Variants in H3C4 observed in about 807,000 individuals in gnomAD.
H3C4 encodes the protein H3 clustered histone 4.
A neutral mutation model predicts 8.7 loss-of-function variants in H3C4; 10 were observed. The observed-to-expected ratio is 1.15, with a 90% CI of 0.71 to 1.96. The LOEUF is 1.96. H3C4 is among the 30% of genes most tolerant of loss of function. The probability of loss-of-function intolerance (pLI) is 0.00; values close to 1 mark genes in which losing one functional copy is unlikely to be tolerated. For missense variants in H3C4, 216 were observed against 192.9 expected, an observed-to-expected ratio of 1.12 and a Z score of -0.71; for synonymous variants, 141 against 80.1, an observed-to-expected ratio of 1.76 and a Z score of -4.06.
At chr6:26,197,312 T>G, upstream of H3C4, 1 of 1,556,416 alleles carries the variant, frequency 6.4e-7, no homozygotes, top group Non-Finnish European at 8.7e-7. Flanking sequence ...CGTACCCGTA[T>G]ATATAAAGAC....
At chr6:26,198,298 A>G (rs1332114707), upstream of H3C4, among the ~76,000 whole-genome samples, 1 of 152,104 alleles carries the variant, frequency 6.6e-6, no homozygotes, top group Non-Finnish European at 1.5e-5. Flanking sequence ...TACATGTGAC[A>G]TAAAGTCTCT....
chr6:26,197,291 G>A (rs771273103), upstream of H3C4: 81 of 1,586,116 alleles, frequency 5.1e-5, no homozygotes, highest in East Asian at 8.9e-5. Context: ...AAAAACGAAA[G>A]TCTAGCCTTT....
In H3C4 at chr6:26,196,836, C is replaced by A; in HGVS notation, c.*4G>T. The A allele has an allele frequency of 6.2e-7, 1 of 1,614,180 alleles. No homozygotes were observed. The highest frequency in any genetic ancestry group is 1.1e-5 in the South Asian group (1 of 91,086). On this transcript the variant is annotated 3_prime_UTR_variant, in exon 1 of 1. Coordinates refer to ENST00000356476, the MANE Select transcript of H3C4 (RefSeq NM_001376937.1). ...TTTTGGTTAGCACACATTCACAAGA[C>A]AATTTACGCCCTCTCCCCACGAATG...
Position 26,196,822 on chromosome 6 carries a change from A to G in H3C4, c.*18T>C, listed in dbSNP as rs889745016. On this transcript the variant is annotated 3_prime_UTR_variant, in exon 1 of 1. Transcript: ENST00000356476. ...AAAGAGCCTTTGGGTTTTGGTTAGC[A>G]CACATTCACAAGACAATTTACGCCC... 5 of 1,613,956 alleles carry G rather than the reference A, an allele frequency of 3.1e-6. No homozygotes were observed. The African/African-American group carries it at 5.3e-5, about 17-fold the overall frequency.
upstream of H3C4, chr6:26,198,918 A>G: frequency 6.2e-7 from 1 of 1,614,252 alleles, no homozygotes; most frequent in Non-Finnish European, 8.5e-7. Context: ...GATGTTGGGC[A>G]GAACACCGCC....
At chr6:26,198,813 G>C (rs372679752), upstream of H3C4, 12 of 1,597,538 alleles carry the variant, frequency 7.5e-6, no homozygotes, top group South Asian at 1.1e-4. Context: ...CCTTTGTTAA[G>C]ACTGCTTCCT....
At chr6:26,198,733 A>G (rs926361318), upstream of H3C4, 8 of 997,086 alleles carry the variant, frequency 8.0e-6, no homozygotes, top group Non-Finnish European at 1.0e-5. Context: ...ATTAAAGAAA[A>G]CTGCAAAATA....
upstream of H3C4, among the ~76,000 whole-genome samples, chr6:26,198,327 GCTT>G (rs1392394499): frequency 6.6e-6 from 1 of 152,084 alleles, no homozygotes; most frequent in African/African-American, 2.4e-5. Context: ...TAATTAGTTT[GCTT>G]TTTTGGGTTT....
upstream of H3C4, among the ~76,000 whole-genome samples, chr6:26,198,612 G>C (rs952330308): frequency 2.6e-5 from 4 of 152,194 alleles, no homozygotes; most frequent in Non-Finnish European, 4.4e-5. Flanking sequence ...GATTACAGGC[G>C]TAAGGAACCG....
At chr6:26,199,046 C>T, upstream of H3C4, 1 of 1,614,220 alleles carries the variant, frequency 6.2e-7, no homozygotes, top group Non-Finnish European at 8.5e-7. Flanking sequence ...CGTTGCCCGC[C>T]AGCTCCAGGA....
At chr6:26,197,749 T>C (rs899590764), upstream of H3C4, among the ~76,000 whole-genome samples, 1 of 152,158 alleles carries the variant, frequency 6.6e-6, no homozygotes, top group African/African-American at 2.4e-5. Flanking sequence ...CCATGACTAT[T>C]AACTCATAAG....
At chr6:26,197,632 T>C (rs559418133), upstream of H3C4, among the ~76,000 whole-genome samples, 12 of 152,258 alleles carry the variant, frequency 7.9e-5, no homozygotes, top group African/African-American at 2.9e-4. Flanking sequence ...TAGTTGTGAT[T>C]GGCCAAGTGA....
upstream of H3C4, chr6:26,198,893 G>A (rs145059830): frequency 2.5e-4 from 404 of 1,614,214 alleles, no homozygotes; most frequent in Admixed American, 6.8e-4. Context: ...TCTTCTTGGG[G>A]AGCAGTACAG....
upstream of H3C4, chr6:26,198,775 AG>A (rs1464000425): frequency 1.2e-4 from 165 of 1,432,124 alleles, no homozygotes; most frequent in Admixed American, 1.8e-4. Context: ...AGCCCTTTTA[AG>A]GAATACATGG....
In H3C4 at chr6:26,196,984, C is replaced by G; in HGVS notation, c.267G>C (p.Ala89=). 6.2e-7 allele frequency: 1 copy of G among 1,614,246 alleles called. No homozygotes were observed. The highest frequency in any genetic ancestry group is 8.5e-7 in the Non-Finnish European group (1 of 1,180,038). The change falls in exon 1 of 1, where the codon GCG becomes GCC. Residue 89 remains alanine, a synonymous_variant. Coordinates refer to ENST00000356476, the MANE Select transcript of H3C4 (RefSeq NM_001376937.1). Reference sequence around the variant, plus strand: ...CGCAGGCCTCCTGCAGCGCCATCACCGCCGAGCTCTGAAAACGCAGATCAG... The same window carrying G: ...CGCAGGCCTCCTGCAGCGCCATCACGGCCGAGCTCTGAAAACGCAGATCAG... ...FKTDLRFQSS[A]VMALQEACEA...
chr6:26,197,035 G>A lies in H3C4; in HGVS notation c.216C>T (p.Val72=), dbSNP rs1228914378. The change falls in exon 1 of 1, where the codon GTC becomes GTT. Residue 72 remains valine (V), a synonymous_variant. Transcript: ENST00000356476. The stretch of plus-strand genomic sequence containing the variant: ...TCTTGAAGTCCTGCGCGATCTCACG[G>A]ACTAGACGCTGGAATGGCAGTTTGC... The part of the protein sequence containing the change: ...LIRKLPFQRL[V]REIAQDFKTD... 1.4e-5 allele frequency: 23 copies of A among 1,614,112 alleles called. No homozygotes were observed. Among genetic ancestry groups the A allele is most frequent in the African/African-American group, 5.3e-5 (4 of 74,930 alleles).
At chr6:26,198,607 C>T (rs372819389), upstream of H3C4, among the ~76,000 whole-genome samples, 1 of 152,338 alleles carries the variant, frequency 6.6e-6, no homozygotes, top group Non-Finnish European at 1.5e-5. Context: ...CCTGGGATTA[C>T]AGGCGTAAGG....
chr6:26,197,019 C>T lies in H3C4; in HGVS notation c.232G>A (p.Asp78Asn), dbSNP rs142669882. 3.7e-6 allele frequency: 6 copies of T among 1,614,106 alleles called. No homozygotes were observed. Among genetic ancestry groups the T allele is most frequent in the African/African-American group, 2.7e-5 (2 of 74,938 alleles). ...TGAAAACGCAGATCAGTCTTGAAGT[C>T]CTGCGCGATCTCACGGACTAGACGC... ...FQRLVREIAQ[D>N]FKTDLRFQSS... Residue 78 changes from aspartate to asparagine, a missense_variant, in exon 1 of 1, where the codon GAC (aspartate) becomes AAC (asparagine). Physicochemically the swap from Asp to Asn is conservative, Grantham distance 23. Coordinates refer to ENST00000356476, the MANE Select transcript of H3C4 (RefSeq NM_001376937.1).
Position 26,197,071 on chromosome 6 carries a change from C to G in H3C4, c.180G>C (p.Glu60Asp), listed in dbSNP as rs775620987. Residue 60 changes from glutamate (E) to aspartate (D), a missense_variant, in exon 1 of 1, where the codon GAG (glutamate) becomes GAC (aspartate). By Grantham distance (45) the Glu-to-Asp change is conservative. Transcript: ENST00000356476. Reference protein sequence around the residue: ...REIRRYQKSTELLIRKLPFQR... With the variant: ...REIRRYQKSTDLLIRKLPFQR... ...GGAATGGCAGTTTGCGAATCAGCAGCTCGGTCGACTTCTGGTAGCGGCGGA... is the reference window on the plus strand; with the variant it reads ...GGAATGGCAGTTTGCGAATCAGCAGGTCGGTCGACTTCTGGTAGCGGCGGA... 3.1e-6 allele frequency: 5 copies of G among 1,614,248 alleles called. No homozygotes were observed. The highest frequency in any genetic ancestry group is 1.3e-5 in the African/African-American group (1 of 75,066).
Sources: gnomAD v4.1 joint callset for allele counts (sites outside exome capture counted in the v4.1 genomes callset) on GRCh38, gnomAD v4.1.1 for gene constraint, MANE v1.5 for transcripts, NCBI Gene and HGNC (gene_info 2026-07-23, HGNC 2026-07-21) for gene names.